The following ZDHHC18 variants were observed in gnomAD, a reference collection of about 807,000 sequenced individuals.
ZDHHC18 encodes zDHHC palmitoyltransferase 18.
In ZDHHC18, 23 loss-of-function variants were observed where a neutral mutation model predicts 37.5. The observed-to-expected ratio is 0.61, with a 90% CI of 0.44 to 0.87. The LOEUF (loss-of-function observed/expected upper bound fraction) is 0.87, where lower values mean the gene tolerates loss of function less well. Ranked by LOEUF, ZDHHC18 falls within the 40% of genes least tolerant of loss-of-function variation. The probability of loss-of-function intolerance (pLI) is 0.00; values close to 1 mark genes in which losing one functional copy is unlikely to be tolerated. For synonymous variants in ZDHHC18, 185 were observed against 218.7 expected (o/e 0.85, Z 1.36); for missense variants, 406 against 525.6 (o/e 0.77, Z 2.22).
Position 26,832,429 on chromosome 1 carries a change from C to T in ZDHHC18, c.336-18C>T. The T allele has an allele frequency of 6.2e-7, 1 of 1,613,888 alleles. No homozygotes were observed. The highest frequency in any genetic ancestry group is 8.5e-7 in the Non-Finnish European group (1 of 1,179,852). ...GCCCTTGGGGTGTCTGCTGATCTCT[C>T]TCCATCTCTCGTTCTAGCTGTCCCT... is the stretch of plus-strand genomic sequence containing the variant. On this transcript the variant is annotated intron_variant, in intron 1 of 7. Transcript: ENST00000374142.
intron 2 of ZDHHC18, among the ~76,000 whole-genome samples, chr1:26,846,203 TAC>T (rs1217813540): frequency 1.9e-5 from 1 of 53,372 alleles, no homozygotes; most frequent in African/African-American, 8.1e-5. Context: ...CATACATATA[TAC>T]ACGTATATAC....
At chr1:26,828,699 G>T (rs1383060565) in intron 1 of ZDHHC18, among the ~76,000 whole-genome samples, 1 of 151,792 alleles carries the variant, frequency 6.6e-6, no homozygotes, top group East Asian at 1.9e-4. Context: ...CACACACTCT[G>T]CCCTTTTTTT....
rs1240027019 is a variant in ZDHHC18 at position 26,853,772 on chromosome 1, T to G, written c.1096T>G (p.Ser366Ala). ...TGTGCAGTCCGACACCGTGTTGCCCTCACCCATCAGAAGCGATGAGCCAGC... is the reference window on the plus strand; with the variant it reads ...TGTGCAGTCCGACACCGTGTTGCCCGCACCCATCAGAAGCGATGAGCCAGC... ...GFVQSDTVLP[S>A]PIRSDEPACR... Residue 366 changes from serine (S) to alanine (A), a missense_variant, in exon 8 of 8, where the codon TCA becomes GCA. By Grantham distance (99) the Ser-to-Ala change is moderately conservative (BLOSUM62 1). Coordinates refer to ENST00000374142, the MANE Select transcript of ZDHHC18 (RefSeq NM_032283.3). 12 of 1,614,010 alleles carry G rather than the reference T, an allele frequency of 7.4e-6. No individual in the cohort carries two copies. The highest frequency in any genetic ancestry group is 1.0e-5 in the Non-Finnish European group (12 of 1,180,022).
intron 2 of ZDHHC18, among the ~76,000 whole-genome samples, chr1:26,836,160 T>C (rs2081610364): frequency 6.6e-6 from 1 of 152,128 alleles, no homozygotes; most frequent in Admixed American, 6.5e-5. Context: ...TGGGAGGTGA[T>C]AGAGACATCC....
intron 2 of ZDHHC18, among the ~76,000 whole-genome samples, 158 bp from the exon 3 acceptor site, chr1:26,848,450 G>A (rs944550778): frequency 6.6e-6 from 1 of 152,160 alleles, no homozygotes; most frequent in East Asian, 1.9e-4. Context: ...ATTTGTCCCT[G>A]CCTTAGGCCA....
In ZDHHC18 at chr1:26,852,078, G is replaced by A. The variant is rs760300784; in HGVS notation, c.937-675G>A. Among the ~76,000 whole-genome samples the A allele has an allele frequency of 1.6e-4, 25 of 152,322 alleles. No homozygotes were observed. In the Middle Eastern group the frequency reaches 0.01, roughly 62 times the overall value. The stretch of plus-strand genomic sequence containing the variant: ...AACAAAACTTCACACATGACAGGGC[G>A]TTGTGTGCCTGGTGATCAGTGAGAA... On this transcript the variant is annotated intron_variant, in intron 6 of 7. Coordinates refer to ENST00000374142, the MANE Select transcript of ZDHHC18 (RefSeq NM_032283.3).
Position 26,850,282 on chromosome 1 carries a change from G to C in ZDHHC18, c.647-19G>C, listed in dbSNP as rs747792456. On this transcript the variant is annotated intron_variant, in intron 3 of 7. Coordinates refer to ENST00000374142, the MANE Select transcript of ZDHHC18 (RefSeq NM_032283.3). This position sits in a 1 kb window ranked among gnomAD's most constrained non-coding sequence, Gnocchi z 6.1. ...GCAGGCCAGCCCACACTAACCCATC[G>C]CCCCTTGCCCTTGTCCAGAACGATT... 2 of 1,613,146 alleles carry C rather than the reference G, an allele frequency of 1.2e-6. No individual in the cohort carries two copies. Among genetic ancestry groups the C allele is most frequent in the South Asian group, 2.2e-5 (2 of 90,956 alleles).
At chr1:26,827,633 C>T (rs1473600344) in intron 1 of ZDHHC18, among the ~76,000 whole-genome samples, 2 of 152,136 alleles carry the variant, frequency 1.3e-5, no homozygotes, top group African/African-American at 2.4e-5. Context: ...GCTGTGCACA[C>T]CCACCATAAA....
chr1:26,829,928 C>A (rs928349521), intron 1 of ZDHHC18, among the ~76,000 whole-genome samples: 7 of 152,182 alleles, frequency 4.6e-5, no homozygotes, highest in Non-Finnish European at 8.8e-5. Context: ...TCTGTCCCCC[C>A]ACACAAGTCT....
intron 1 of ZDHHC18, among the ~76,000 whole-genome samples, chr1:26,831,571 A>G (rs565427904): frequency 1.6e-4 from 24 of 152,340 alleles, no homozygotes; most frequent in Admixed American, 3.3e-4. Context: ...TAGCTTCACT[A>G]TCATGAAGCC....
At chr1:26,836,591 C>T (rs1415142490) in intron 2 of ZDHHC18, among the ~76,000 whole-genome samples, 5 of 141,198 alleles carry the variant, frequency 3.5e-5, no homozygotes, top group Non-Finnish European at 4.6e-5. Flanking sequence ...TTTTTTGAGA[C>T]GGAGTCTTGC....
chr1:26,839,995 A>G (rs1470785081), intron 2 of ZDHHC18, among the ~76,000 whole-genome samples: 4 of 152,222 alleles, frequency 2.6e-5, no homozygotes, highest in Non-Finnish European at 5.9e-5. Context: ...CCAGCATGAC[A>G]CAGCGCTCTG....
chr1:26,841,399 G>C (rs997131382), intron 2 of ZDHHC18, among the ~76,000 whole-genome samples: 7 of 152,200 alleles, frequency 4.6e-5, no homozygotes, highest in Admixed American at 4.6e-4. Flanking sequence ...CTCCCAACGT[G>C]CTGGGATTAC....
chr1:26,832,672 G>A (rs1289260745), intron 2 of ZDHHC18, 65 bp downstream of exon 2: 14 of 1,572,738 alleles, frequency 8.9e-6, no homozygotes, highest in Non-Finnish European at 1.1e-5. Context: ...CTTGGGAGGA[G>A]GCCTGGTTTT....
intron 1 of ZDHHC18, 34 bp from the exon 2 acceptor site, chr1:26,832,413 G>T: frequency 1.2e-6 from 2 of 1,612,242 alleles, no homozygotes; most frequent in Non-Finnish European, 1.7e-6. Context: ...AGCCCTTGGG[G>T]TGTCTGCTGA....
In ZDHHC18 at chr1:26,853,884, T is replaced by A; in HGVS notation, c.*41T>A. Reference sequence around the variant, plus strand: ...TGCCACCTGCTGGCCTGTCTGACCCTCCGCACTCACCTGCCGGGACCCTCC... The same window carrying A: ...TGCCACCTGCTGGCCTGTCTGACCCACCGCACTCACCTGCCGGGACCCTCC... On this transcript the variant is annotated 3_prime_UTR_variant, in exon 8 of 8. Transcript: ENST00000374142. 6.4e-7 allele frequency: 1 copy of A among 1,569,684 alleles called. No homozygotes were observed. The highest frequency in any genetic ancestry group is 8.7e-7 in the Non-Finnish European group (1 of 1,143,666).
At chr1:26,828,580 C>G (rs2081570078) in intron 1 of ZDHHC18, among the ~76,000 whole-genome samples, 1 of 152,076 alleles carries the variant, frequency 6.6e-6, no homozygotes. Context: ...GAGACACCCG[C>G]CCCCAGGTAC....
rs771528754 is a variant in ZDHHC18, at chr1:26,853,717, T to C, written c.1050-9T>C. 3.0e-5 allele frequency: 48 copies of C among 1,613,632 alleles called. No homozygotes were observed. The Admixed American group carries it at 8.0e-4, about 27-fold the overall frequency. On this transcript the variant is annotated splice_polypyrimidine_tract_variant and intron_variant, in intron 7 of 7. Transcript: ENST00000374142. ...AGAGCCCTCATGTGTCTCCCTTGTG[T>C]TTTGGAAGCCTAATTGACCGGAGGG... is the stretch of plus-strand genomic sequence containing the variant.
rs926491317 is a variant in ZDHHC18, at chr1:26,828,973, G to A, written c.335+1834G>A. Among the ~76,000 whole-genome samples the A allele has an allele frequency of 2.6e-5, 4 of 152,302 alleles. No individual in the cohort carries two copies. In the East Asian group the frequency reaches 7.7e-4, roughly 29 times the overall value. ...ATCTGGCCTAACTTCTGAACTAGAAGCAGGACCTTCTCTGGGTTGACCGGG... is the reference window on the plus strand; with the variant it reads ...ATCTGGCCTAACTTCTGAACTAGAAACAGGACCTTCTCTGGGTTGACCGGG... On this transcript the variant is annotated intron_variant, in intron 1 of 7. Transcript: ENST00000374142.
Sources: allele counts gnomAD v4.1 joint callset (sites outside exome capture counted in the v4.1 genomes callset), GRCh38; gene constraint gnomAD v4.1.1; non-coding constraint Gnocchi (gnomAD v3.1); transcripts MANE v1.5; gene names NCBI Gene and HGNC (gene_info 2026-07-23, HGNC 2026-07-21).